HSPA12A: variants seen among roughly 807,000 people sequenced by gnomAD.
The protein encoded by HSPA12A is heat shock 70 kDa protein 12A.
In HSPA12A, 28 loss-of-function variants were observed where a neutral mutation model predicts 69.2. That is an observed-to-expected ratio of 0.40 (90% CI 0.30 to 0.55). The LOEUF (loss-of-function observed/expected upper bound fraction) is 0.55, where lower values mean the gene tolerates loss of function less well. Among genes scored for constraint, HSPA12A ranks in the 20% least tolerant of loss-of-function variants. HSPA12A has a pLI of 0.38. For missense variants in HSPA12A, 686 were observed against 900.7 expected (o/e 0.76, Z 3.05); for synonymous variants, 345 against 370.5 (o/e 0.93, Z 0.79).
intron 2 of HSPA12A, among the ~76,000 whole-genome samples, chr10:116,769,154 C>G (rs564906994): frequency 6.6e-6 from 1 of 152,190 alleles, no homozygotes; most frequent in Middle Eastern, 3.2e-3. Flanking sequence ...TTCTGACTGA[C>G]CAATCATCAC....
chr10:116,675,137 T>C lies in HSPA12A; in HGVS notation c.1672A>G (p.Lys558Glu). Reference sequence around the variant, plus strand: ...TCGGTGCACCACCGAGTGCCATCCTTCACCAGCAGCTTCTCAGGCGGGTGC... The same window carrying C: ...TCGGTGCACCACCGAGTGCCATCCTCCACCAGCAGCTTCTCAGGCGGGTGC... ...GKHPPEKLLV[K>E]DGTRWCTDVF... The change falls in exon 12 of 12, where the codon AAG becomes GAG. Residue 558 changes from lysine to glutamate, a missense_variant. Physicochemically the swap from Lys to Glu is moderately conservative, Grantham distance 56. Transcript: ENST00000369209. The surrounding 1 kb of genome is among the most constrained non-coding windows in gnomAD (Gnocchi z 5.2). 6.2e-7 allele frequency: 1 copy of C among 1,613,968 alleles called. No individual in the cohort carries two copies. Among genetic ancestry groups the C allele is most frequent in the East Asian group, 2.2e-5 (1 of 44,850 alleles).
intron 2 of HSPA12A, among the ~76,000 whole-genome samples, chr10:116,828,545 G>A (rs757037656): frequency 2.0e-5 from 3 of 152,232 alleles, no homozygotes; most frequent in Admixed American, 6.5e-5. Flanking sequence ...GTAACTCGAT[G>A]CATGCTTCAC....
At chr10:116,766,166 T>A (rs934344065) in intron 2 of HSPA12A, among the ~76,000 whole-genome samples, 4 of 152,194 alleles carry the variant, frequency 2.6e-5, no homozygotes, top group African/African-American at 7.2e-5. Flanking sequence ...GCCCTGACAC[T>A]GGGGCATGAA....
At chr10:116,701,217 A>G (rs2075853914) in intron 3 of HSPA12A, 88 bp from the exon 4 acceptor site, 1 of 1,280,878 alleles carries the variant, frequency 7.8e-7, no homozygotes, top group Non-Finnish European at 1.1e-6. Context: ...TGTATGCATG[A>G]GTGTCAGTAA....
At chr10:116,815,326 G>A (rs951656823) in intron 2 of HSPA12A, among the ~76,000 whole-genome samples, 8 of 151,262 alleles carry the variant, frequency 5.3e-5, no homozygotes, top group South Asian at 2.1e-4. Context: ...CACACTTTGG[G>A]AGGCCAAGAC....
Position 116,693,534 on chromosome 10 carries a change from G to A in HSPA12A, c.547-1067C>T, listed in dbSNP as rs566315734. 1.0e-3 allele frequency among the ~76,000 whole-genome samples: 155 copies of A among 152,240 alleles called. 2 individuals are homozygous for A. The South Asian group carries it at 0.027, about 27-fold the overall frequency. On this transcript the variant is annotated intron_variant, in intron 5 of 11. Coordinates refer to ENST00000369209, the MANE Select transcript of HSPA12A (RefSeq NM_025015.3). ...CCTTCCTTTCTCTTCCCCTTGCCAC[G>A]TTCACCAGACAAATCTGTAATCAAA... is the stretch of plus-strand genomic sequence containing the variant.
At chr10:116,774,135 A>G (rs1359755408) in intron 2 of HSPA12A, among the ~76,000 whole-genome samples, 17 of 150,782 alleles carry the variant, frequency 1.1e-4, no homozygotes, top group Admixed American at 6.6e-4. Context: ...TCAGCCTCCC[A>G]AGTAGCTGGG....
intron 1 of HSPA12A, among the ~76,000 whole-genome samples, chr10:116,721,609 G>A (rs7911945): frequency 0.53 from 81,064 of 151,982 alleles, 24,979 homozygotes; most frequent in Middle Eastern, 0.81. Context: ...CCGGGTGTGC[G>A]TGACTATAGC....
intron 2 of HSPA12A, among the ~76,000 whole-genome samples, chr10:116,752,049 A>T (rs1851787786): frequency 6.6e-6 from 1 of 152,186 alleles, no homozygotes; most frequent in South Asian, 2.1e-4. Flanking sequence ...GCAACACAAA[A>T]ATGGACCGAC....
Position 116,671,753 on chromosome 10 carries a change from A to G in HSPA12A, c.*3028T>C, listed in dbSNP as rs1160905885. On this transcript the variant is annotated 3_prime_UTR_variant, in exon 12 of 12. Coordinates refer to ENST00000369209, the MANE Select transcript of HSPA12A (RefSeq NM_025015.3). ...AGGGCAGTTACAAAGGAAAGCCTTG[A>G]TGATTCTGCTTCCAAGAAACGTGAA... 1 of 152,674 alleles carries G rather than the reference A, an allele frequency of 6.5e-6. No homozygotes were observed. Among genetic ancestry groups the G allele is most frequent in the African/African-American group, 2.4e-5 (1 of 41,456 alleles). 9.5% of individuals were successfully genotyped at this position (152,674 alleles called of 1,614,324 possible). A position where few individuals can be genotyped will look rare whatever the true frequency, so the allele number is the denominator to read the frequency against.
chr10:116,827,521 C>T (rs1845530869), intron 2 of HSPA12A: 1 of 152,270 alleles, frequency 6.6e-6, no homozygotes, highest in South Asian at 2.1e-4. Context: ...GCTGGTGCCA[C>T]CACCACCACG....
chr10:116,734,750 T>G (rs541984148), intron 1 of HSPA12A, among the ~76,000 whole-genome samples: 1 of 151,350 alleles, frequency 6.6e-6, no homozygotes, highest in African/African-American at 2.4e-5. Flanking sequence ...TCCCAGCACT[T>G]TGGGAGGCCG....
intron 2 of HSPA12A, among the ~76,000 whole-genome samples, chr10:116,781,635 T>G (rs1281109528): frequency 2.6e-5 from 4 of 152,196 alleles, no homozygotes; most frequent in Admixed American, 2.6e-4. Flanking sequence ...GTGTGGTGAT[T>G]GCTTAATTGT....
At chr10:116,768,885 G>T (rs564754389) in intron 2 of HSPA12A, among the ~76,000 whole-genome samples, 2 of 152,226 alleles carry the variant, frequency 1.3e-5, no homozygotes, top group South Asian at 2.1e-4. Context: ...GGGCCAGCTT[G>T]TTCCTCTGAG....
At chr10:116,742,402 G>A in intron 1 of HSPA12A, 28 bp downstream of exon 1, 2 of 1,432,162 alleles carry the variant, frequency 1.4e-6, no homozygotes, top group Non-Finnish European at 1.8e-6. Flanking sequence ...CGCCAGCCGC[G>A]GCCGCAGGAC....
intron 2 of HSPA12A, among the ~76,000 whole-genome samples, chr10:116,778,682 G>A (rs1447596294): frequency 3.3e-5 from 5 of 152,194 alleles, no homozygotes; most frequent in Non-Finnish European, 7.4e-5. Flanking sequence ...CAGGAGGATC[G>A]CTTGAGCCCA....
intron 2 of HSPA12A, chr10:116,750,173 C>T (rs1408926322): frequency 3.0e-5 from 19 of 628,460 alleles, no homozygotes; most frequent in Non-Finnish European, 5.0e-5. Context: ...GAAGGTTGGC[C>T]TGACAAATTA....
At chr10:116,775,306 C>G (rs1201021763) in intron 2 of HSPA12A, among the ~76,000 whole-genome samples, 1 of 152,146 alleles carries the variant, frequency 6.6e-6, no homozygotes. Context: ...GGCCACATAG[C>G]CAGTGAGACG....
intron 2 of HSPA12A, among the ~76,000 whole-genome samples, chr10:116,818,861 TACCCCCA>T (rs1207865759): frequency 6.6e-6 from 1 of 152,188 alleles, no homozygotes; most frequent in Non-Finnish European, 1.5e-5. Flanking sequence ...GTGAGAGATT[TACCCCCA>T]ACACATTGCA....
Sources: allele counts gnomAD v4.1 joint callset (sites outside exome capture counted in the v4.1 genomes callset), GRCh38; gene constraint gnomAD v4.1.1; non-coding constraint Gnocchi (gnomAD v3.1); transcripts MANE v1.5; gene names NCBI Gene and HGNC (gene_info 2026-07-23, HGNC 2026-07-21).